The following SNAPC4 variants were observed in gnomAD, a reference collection of about 807,000 sequenced individuals.
SNAPC4 encodes snRNA-activating protein complex subunit 4.
Under a neutral mutation model 151.3 loss-of-function variants are expected in SNAPC4, and 127 were observed. The ratio of observed to expected loss-of-function variants is 0.84; its 90% confidence interval spans 0.73 to 0.97. The LOEUF (loss-of-function observed/expected upper bound fraction) is 0.97. Among genes scored for constraint, SNAPC4 ranks in the 50% least tolerant of loss-of-function variants. SNAPC4 has a pLI of 0.00. For synonymous variants in SNAPC4, 1,002 were observed against 824.4 expected (o/e 1.22, Z -3.69); for missense variants, 2,186 against 1,935.0 (o/e 1.13, Z -2.43).
In SNAPC4 at chr9:136,395,620, G is replaced by C; in HGVS notation, c.328C>G (p.Gln110Glu). ...CATCCCACCTGCTGCTCCCGGTTCT[G>C]GGCCAGCAGCAGGTTGGCCTCAGCC... is the stretch of plus-strand genomic sequence containing the variant. ...KLAEANLLLA[Q>E]NREQQEELMR... Residue 110 changes from glutamine (Q) to glutamate (E), a missense_variant, in exon 4 of 24, where the codon CAG becomes GAG. By Grantham distance (29) the Gln-to-Glu change is conservative. Coordinates refer to ENST00000684778, the MANE Select transcript of SNAPC4 (RefSeq NM_003086.4). 6.2e-7 allele frequency: 1 copy of C among 1,611,856 alleles called. No individual in the cohort carries two copies. Among genetic ancestry groups the C allele is most frequent in the Non-Finnish European group, 8.5e-7 (1 of 1,179,316 alleles).
intron 20 of SNAPC4, 25 bp from the exon 21 acceptor site, chr9:136,379,889 A>G (rs2131473478): frequency 1.2e-6 from 2 of 1,609,544 alleles, no homozygotes; most frequent in Non-Finnish European, 1.7e-6. Flanking sequence ...GAGGAGAGTC[A>G]GCAGCTCAGG....
At position 136,378,699 on chromosome 9, in the gene SNAPC4, A is replaced by G; in HGVS notation, c.3128T>C (p.Phe1043Ser). The G allele has an allele frequency of 2.0e-6, 3 of 1,497,080 alleles. No homozygotes were observed. The highest frequency in any genetic ancestry group is 2.1e-4 in the Middle Eastern group (1 of 4,746). The allele number at this position is 1,497,080 out of a possible 1,614,324, so 92.7% of individuals were successfully genotyped here. The change falls in exon 22 of 24, where the codon TTT (phenylalanine) becomes TCT (serine). Residue 1043 changes from phenylalanine to serine, a missense_variant. Coordinates refer to ENST00000684778, the MANE Select transcript of SNAPC4 (RefSeq NM_003086.4). ...GGTGGGGCTGGGGGCTGCGGGGAGA[A>G]AGGGTGGCGCCTCAGGCAGGCCCTG... ...RKQGLPEAPP[F>S]LPAAPSPTPL...
chr9:136,386,200 C>T (rs1399502049), intron 13 of SNAPC4, among the ~76,000 whole-genome samples: 1 of 151,336 alleles, frequency 6.6e-6, no homozygotes, highest in Non-Finnish European at 1.5e-5. Context: ...TTTTGACTTG[C>T]ACTTCCCTAA....
chr9:136,379,074 G>A lies in SNAPC4; in HGVS notation c.2753C>T (p.Pro918Leu), dbSNP rs370302598. The A allele has an allele frequency of 1.2e-5, 19 of 1,578,412 alleles. No individual in the cohort carries two copies. The highest frequency in any genetic ancestry group is 4.6e-5 in the East Asian group (2 of 43,894). ...AGACGAGGAGACCAGCAGCTGGGAC[G>A]GGAGCACCACCGGGCCCCGGGTGGC... Reference protein sequence around the residue: ...REATRGPVVLPSQLLVSSSVI... With the variant: ...REATRGPVVLLSQLLVSSSVI... Residue 918 changes from proline to leucine, a missense_variant, in exon 22 of 24, where the codon CCG (proline) becomes CTG (leucine). By Grantham distance (98) the Pro-to-Leu change is moderately conservative. Transcript: ENST00000684778.
intron 18 of SNAPC4, 75 bp downstream of exon 18, chr9:136,381,749 G>A (rs1235388321): frequency 4.4e-5 from 67 of 1,523,672 alleles, no homozygotes; most frequent in East Asian, 6.8e-5. Flanking sequence ...AGTAGCCACC[G>A]TCTGCTAGGC....
chr9:136,384,094 G>T, intron 14 of SNAPC4, 62 bp from the exon 15 acceptor site: 1 of 1,446,970 alleles, frequency 6.9e-7, no homozygotes. Flanking sequence ...GGACAGGCTT[G>T]CTGTTCCCCA....
chr9:136,398,481 G>A, intron 1 of SNAPC4, 44 bp from the exon 2 acceptor site: 1 of 1,593,532 alleles, frequency 6.3e-7, no homozygotes, highest in South Asian at 1.1e-5. Context: ...CCAAGACCGT[G>A]CCGGGATCCC....
chr9:136,392,432 G>T (rs1834111056), intron 9 of SNAPC4, 90 bp downstream of exon 9: 11 of 1,257,608 alleles, frequency 8.7e-6, no homozygotes, highest in Middle Eastern at 2.2e-4. Context: ...GCCAGGGAGG[G>T]TGTGGCCTTA....
Position 136,383,788 on chromosome 9 carries a change from G to A in SNAPC4, c.1501-120C>T, listed in dbSNP as rs1273759622. The stretch of plus-strand genomic sequence containing the variant: ...GGGGGCGCCTCCGGGGTCAAGAGCA[G>A]CCGCTGCCGAGGCAGGGTCTCCCTT... On this transcript the variant is annotated intron_variant, in intron 15 of 23. Transcript: ENST00000684778. The surrounding 1 kb of genome is among the most constrained non-coding windows in gnomAD (Gnocchi z 4.2). 2.8e-6 allele frequency: 4 copies of A among 1,404,446 alleles called. No homozygotes were observed. The highest frequency in any genetic ancestry group is 3.9e-6 in the Non-Finnish European group (4 of 1,020,340). The allele number at this position is 1,404,446 out of a possible 1,614,324, so 87.0% of individuals were successfully genotyped here. A position where few individuals can be genotyped will look rare whatever the true frequency, so the allele number is the denominator to read the frequency against.
In SNAPC4 at chr9:136,382,292, C is replaced by T; in HGVS notation, c.2028G>A (p.Arg676=). ...LLTVPVETVL[R]VLRANTAARS... ...GAGCAGCCGTGTTGGCCCTGAGCAC[C>T]CTCAGCACGGTCTCCACAGGCACTG... Residue 676 remains arginine (R), a synonymous_variant, in exon 17 of 24, where the codon AGG becomes AGA. Transcript: ENST00000684778. 1 of 1,613,122 alleles carries T rather than the reference C, an allele frequency of 6.2e-7. No individual in the cohort carries two copies. The highest frequency in any genetic ancestry group is 1.7e-5 in the Admixed American group (1 of 60,012).
chr9:136,379,754 T>C, intron 21 of SNAPC4, 83 bp downstream of exon 21: 1 of 1,318,990 alleles, frequency 7.6e-7, no homozygotes, highest in South Asian at 1.2e-5. Flanking sequence ...GGGCTGTGGG[T>C]GAAAGCCAGG....
In SNAPC4 at chr9:136,381,436, T is replaced by C. The variant is rs752548694; in HGVS notation, c.2318-44A>G. The stretch of plus-strand genomic sequence containing the variant: ...AAGTGGAAAGCAGCCCCAGCTCCCA[T>C]GGGCACAGGGGGATGGGTGGAAAGC... On this transcript the variant is annotated intron_variant, in intron 18 of 23. Coordinates refer to ENST00000684778, the MANE Select transcript of SNAPC4 (RefSeq NM_003086.4). The C allele has an allele frequency of 2.5e-5, 38 of 1,527,074 alleles. No individual in the cohort carries two copies. The South Asian group carries it at 2.7e-4, about 11-fold the overall frequency. 94.6% of individuals were successfully genotyped at this position (1,527,074 alleles called of 1,614,324 possible). A position where few individuals can be genotyped will look rare whatever the true frequency, so the allele number is the denominator to read the frequency against.
Position 136,378,823 on chromosome 9 carries a change from C to T in SNAPC4, c.3004G>A (p.Ala1002Thr), listed in dbSNP as rs1301196355. ...VFSEAEGTAP[A>T]ASQAPALGPG... Reference sequence around the variant, plus strand: ...CCCAGGGCAGGGGCTTGGGAAGCAGCAGGGGCTGTGCCCTCGGCCTCTGAG... The same window carrying T: ...CCCAGGGCAGGGGCTTGGGAAGCAGTAGGGGCTGTGCCCTCGGCCTCTGAG... Residue 1002 changes from alanine to threonine, a missense_variant, in exon 22 of 24, where the codon GCT becomes ACT. Ala to Thr is a moderately conservative substitution (Grantham distance 58, BLOSUM62 0). Transcript: ENST00000684778. The T allele has an allele frequency of 6.3e-7, 1 of 1,597,014 alleles. No homozygotes were observed. The highest frequency in any genetic ancestry group is 1.1e-5 in the South Asian group (1 of 88,430).
chr9:136,379,723 G>C (rs913354931), intron 21 of SNAPC4, 114 bp downstream of exon 21: 10 of 985,606 alleles, frequency 1.0e-5, no homozygotes, highest in Non-Finnish European at 1.6e-5. Context: ...GTCACCAGGG[G>C]CCACAGGCTG....
intron 6 of SNAPC4, 136 bp from the exon 7 acceptor site, chr9:136,394,466 TG>T: frequency 1.3e-6 from 1 of 764,288 alleles, no homozygotes; most frequent in Non-Finnish European, 2.3e-6. Flanking sequence ...CCTACTGACG[TG>T]GCCCCTCCAC....
At chr9:136,391,921 G>A (rs778050240) in intron 10 of SNAPC4, 21 bp downstream of exon 10, 1 of 1,596,224 alleles carries the variant, frequency 6.3e-7, no homozygotes, top group Non-Finnish European at 8.5e-7. Context: ...CTGGCCCCTG[G>A]GGTCCAGGCC....
chr9:136,387,933 TG>T, intron 11 of SNAPC4, 85 bp from the exon 12 acceptor site: 1 of 816,838 alleles, frequency 1.2e-6, no homozygotes. Context: ...CAGGGTCCCG[TG>T]GGGCCGAGAC....
At position 136,378,996 on chromosome 9, in the gene SNAPC4, C is replaced by T. The variant is rs1322541453; in HGVS notation, c.2831G>A (p.Gly944Asp). The change falls in exon 22 of 24, where the codon GGT becomes GAT. Residue 944 changes from glycine to aspartate, a missense_variant. By Grantham distance (94) the Gly-to-Asp change is moderately conservative. Coordinates refer to ENST00000684778, the MANE Select transcript of SNAPC4 (RefSeq NM_003086.4). ...GAGCGGTACATTTAAGACGGTGGGA[C>T]CCGGGGCTGGGCGGCCGTGTGGGGT... ...PHTPHGRPAP[G>D]PTVLNVPLSG... 6.2e-7 allele frequency: 1 copy of T among 1,607,346 alleles called. No homozygotes were observed. Among genetic ancestry groups the T allele is most frequent in the South Asian group, 1.1e-5 (1 of 89,932 alleles).
At chr9:136,392,398 TG>T in intron 9 of SNAPC4, 123 bp downstream of exon 9, 7 of 996,064 alleles carry the variant, frequency 7.0e-6, no homozygotes, top group African/African-American at 1.6e-5. Context: ...CCCGGGTGGG[TG>T]GGGGGTCACA....
Sources: allele counts gnomAD v4.1 joint callset (sites outside exome capture counted in the v4.1 genomes callset), GRCh38; gene constraint gnomAD v4.1.1; non-coding constraint Gnocchi (gnomAD v3.1); transcripts MANE v1.5; gene names NCBI Gene and HGNC (gene_info 2026-07-23, HGNC 2026-07-21).